The following PCDH15 variants were observed in gnomAD, a reference collection of about 807,000 sequenced individuals.
PCDH15 encodes the protein protocadherin-15.
PCDH15 carries 129 observed loss-of-function variants against 178.5 expected under a neutral mutation model. The ratio of observed to expected loss-of-function variants is 0.72; its 90% CI spans 0.63 to 0.84. The LOEUF (loss-of-function observed/expected upper bound fraction) is 0.84, where lower values mean the gene tolerates loss of function less well. Ranked by LOEUF, PCDH15 falls within the 40% of genes least tolerant of loss-of-function variation. PCDH15 has a pLI of 0.00. For synonymous variants in PCDH15, 800 were observed against 732.0 expected, an observed-to-expected ratio of 1.09 and a Z score of -1.50; for missense variants, 2,230 against 2,099.9, an observed-to-expected ratio of 1.06 and a Z score of -1.21.
chr10:54,025,639 C>T lies in PCDH15; in HGVS notation c.2221-2442G>A, dbSNP rs112583674. On this transcript the variant is annotated intron_variant, in intron 18 of 37. Transcript: ENST00000644397. ...TCAGCCTCCTGAGTAGCTGGGATTA[C>T]AGGCACCTGTCACCATGCCCAGCTA... Among the ~76,000 whole-genome samples the T allele has an allele frequency of 5.5e-3, 829 of 152,064 alleles. 8 individuals carry two copies. Among genetic ancestry groups the T allele is most frequent in the Middle Eastern group, 0.048 (14 of 292 alleles).
chr10:54,891,045 T>A (rs1183030539), intron 3 of PCDH15, among the ~76,000 whole-genome samples: 2 of 152,052 alleles, frequency 1.3e-5, no homozygotes, highest in African/African-American at 4.8e-5. Flanking sequence ...CATTATCTCA[T>A]GTTGGAAATG....
At chr10:54,527,178 G>A (rs2083441201) in intron 3 of PCDH15, among the ~76,000 whole-genome samples, 1 of 152,058 alleles carries the variant, frequency 6.6e-6, no homozygotes, top group South Asian at 2.1e-4. Context: ...AACGTTCAGA[G>A]AGTCAAGGTG....
At chr10:55,567,949 C>T (rs1842335553) in intron 2 of PCDH15, among the ~76,000 whole-genome samples, 1 of 151,596 alleles carries the variant, frequency 6.6e-6, no homozygotes, top group Non-Finnish European at 1.5e-5. Flanking sequence ...GAACATAAAA[C>T]CCTTGTGCAC....
At position 55,162,282 on chromosome 10, in the gene PCDH15, T is replaced by C. The variant is rs181202467; in HGVS notation, c.-80+4294A>G. On this transcript the variant is annotated intron_variant, in intron 2 of 5. Transcript: ENST00000458638. Reference sequence around the variant, plus strand: ...AGTGTTTTCCCTTAGAAACTATGGTTGGTCTCATTTATATCCCTTCTAAAA... The same window carrying C: ...AGTGTTTTCCCTTAGAAACTATGGTCGGTCTCATTTATATCCCTTCTAAAA... Among the ~76,000 whole-genome samples, 193 of 152,334 alleles carry C rather than the reference T, an allele frequency of 1.3e-3. 1 individual carries two copies. Among genetic ancestry groups the C allele is most frequent in the Middle Eastern group, 0.01 (3 of 294 alleles).
At chr10:54,901,605 A>C (rs1954640915) in intron 2 of PCDH15, among the ~76,000 whole-genome samples, 1 of 152,064 alleles carries the variant, frequency 6.6e-6, no homozygotes, top group Non-Finnish European at 1.5e-5. Flanking sequence ...AATAAATGTC[A>C]TTTTTTTCTA....
intron 1 of PCDH15, among the ~76,000 whole-genome samples, chr10:55,195,374 G>A (rs992300559): frequency 2.0e-5 from 3 of 151,166 alleles, no homozygotes; most frequent in African/African-American, 7.3e-5. Context: ...CGGGCGCTGT[G>A]ATTCACGCCT....
At chr10:54,122,208 T>C (rs548170803) in intron 15 of PCDH15, among the ~76,000 whole-genome samples, 1 of 152,112 alleles carries the variant, frequency 6.6e-6, no homozygotes, top group Admixed American at 6.6e-5. Context: ...TCATCATATT[T>C]CAACATATAC....
chr10:53,960,326 A>T (rs995069120), intron 22 of PCDH15, among the ~76,000 whole-genome samples: 3 of 152,192 alleles, frequency 2.0e-5, no homozygotes, highest in Non-Finnish European at 2.9e-5. Flanking sequence ...TTGAGATTAT[A>T]GGGCAGAAAT....
intron 10 of PCDH15, among the ~76,000 whole-genome samples, chr10:54,196,091 A>G (rs183349369): frequency 3.3e-4 from 50 of 152,288 alleles, no homozygotes; most frequent in African/African-American, 1.0e-3. Flanking sequence ...TTCTGTTTTA[A>G]AACTCAGTGT....
intron 9 of PCDH15, among the ~76,000 whole-genome samples, chr10:54,219,992 T>C (rs1332946699): frequency 6.6e-6 from 1 of 152,180 alleles, no homozygotes; most frequent in African/African-American, 2.4e-5. Context: ...TGCCAAATGG[T>C]GATTTTATTT....
intron 2 of PCDH15, among the ~76,000 whole-genome samples, chr10:55,000,029 C>G (rs1027712470): frequency 1.7e-4 from 26 of 152,116 alleles, no homozygotes; most frequent in African/African-American, 6.0e-4. Context: ...CACAGGACCA[C>G]AGGACAGGGG....
chr10:54,268,279 A>G (rs2057822028), intron 8 of PCDH15, among the ~76,000 whole-genome samples: 1 of 152,022 alleles, frequency 6.6e-6, no homozygotes, highest in South Asian at 2.1e-4. Context: ...AATTAACTCA[A>G]GATTGATAAA....
intron 2 of PCDH15, among the ~76,000 whole-genome samples, chr10:55,510,927 C>T (rs1589095967): frequency 6.6e-6 from 1 of 151,130 alleles, no homozygotes. Flanking sequence ...GTGGAGTGAT[C>T]GTGGCTTACT....
chr10:54,164,018 G>C (rs184989479), intron 13 of PCDH15, among the ~76,000 whole-genome samples: 69 of 152,206 alleles, frequency 4.5e-4, no homozygotes, highest in African/African-American at 1.6e-3. Flanking sequence ...TACCTTTGGC[G>C]AAGTTTGGAC....
At chr10:55,074,576 T>C (rs1841834473) in intron 2 of PCDH15, among the ~76,000 whole-genome samples, 1 of 152,138 alleles carries the variant, frequency 6.6e-6, no homozygotes, top group Non-Finnish European at 1.5e-5. Context: ...GGGGGTTTTT[T>C]TGTAAATTTA....
At chr10:54,968,352 T>C (rs1838846773) in intron 2 of PCDH15, among the ~76,000 whole-genome samples, 1 of 152,176 alleles carries the variant, frequency 6.6e-6, no homozygotes, top group Non-Finnish European at 1.5e-5. Context: ...TGGTATATAA[T>C]TTCATATCCT....
intron 2 of PCDH15, among the ~76,000 whole-genome samples, chr10:54,944,793 A>G (rs1177622841): frequency 6.6e-6 from 1 of 151,918 alleles, no homozygotes; most frequent in Non-Finnish European, 1.5e-5. Flanking sequence ...TACAAAGGAT[A>G]GTTGGCTAGA....
intron 32 of PCDH15, among the ~76,000 whole-genome samples, chr10:53,824,294 GGATTGTTGGCTGATTGATA>G (rs1226859402): frequency 6.6e-6 from 1 of 152,058 alleles, no homozygotes; most frequent in African/African-American, 2.4e-5. Context: ...CCTTCTCCCA[GGATTGTTGGCTGATTGATA>G]GGTGGTTCCG....
chr10:55,287,962 C>T (rs1368521420), intron 1 of PCDH15, among the ~76,000 whole-genome samples: 1 of 151,584 alleles, frequency 6.6e-6, no homozygotes, highest in Non-Finnish European at 1.5e-5. Flanking sequence ...GTTCACTCAG[C>T]TGGGTCATTT....
Sources: allele counts gnomAD v4.1 joint callset (sites outside exome capture counted in the v4.1 genomes callset), GRCh38; gene constraint gnomAD v4.1.1; transcripts MANE v1.5; gene names NCBI Gene and HGNC (gene_info 2026-07-23, HGNC 2026-07-21).